Variants in TAFA4 observed in about 807,000 individuals in gnomAD.
TAFA4 encodes the protein chemokine-like protein TAFA-4.
In TAFA4, 20 loss-of-function variants were observed where a neutral mutation model predicts 21.1. That is an observed-to-expected ratio of 0.95 (90% CI 0.67 to 1.38). TAFA4 has a LOEUF of 1.38. TAFA4 is among the 40% of genes most tolerant of loss of function. The pLI is 0.00. For missense variants in TAFA4, 211 were observed against 180.9 expected, an observed-to-expected ratio of 1.17 and a Z score of -0.95; for synonymous variants, 71 against 67.4, an observed-to-expected ratio of 1.05 and a Z score of -0.26.
chr3:68,827,542 C>T (rs1216213141), intron 3 of TAFA4, among the ~76,000 whole-genome samples: 1 of 152,210 alleles, frequency 6.6e-6, no homozygotes, highest in African/African-American at 2.4e-5. Context: ...TCCTCTCCAG[C>T]ATCTGTTGTT....
intron 3 of TAFA4, among the ~76,000 whole-genome samples, chr3:68,758,990 T>G (rs1257745039): frequency 6.6e-6 from 1 of 152,216 alleles, no homozygotes; most frequent in East Asian, 1.9e-4. Flanking sequence ...GAGAGCCATT[T>G]GTCTAGTTTC....
chr3:68,905,874 A>C (rs996595836), intron 1 of TAFA4, among the ~76,000 whole-genome samples: 13 of 152,224 alleles, frequency 8.5e-5, no homozygotes, highest in African/African-American at 3.1e-4. Flanking sequence ...GCAGGCTTCC[A>C]AGCAAGCCAA....
chr3:68,874,198 C>T (rs1444986863), intron 3 of TAFA4, among the ~76,000 whole-genome samples: 1 of 152,136 alleles, frequency 6.6e-6, no homozygotes, highest in Admixed American at 6.6e-5. Flanking sequence ...AAAATATAAG[C>T]ATTGATGGTA....
At chr3:68,916,637 G>C (rs1048645078) in intron 1 of TAFA4, among the ~76,000 whole-genome samples, 4 of 152,160 alleles carry the variant, frequency 2.6e-5, no homozygotes, top group South Asian at 2.1e-4. Flanking sequence ...CAAAAATGTT[G>C]TTCTTTTTGC....
chr3:68,830,624 G>A (rs112315603), intron 3 of TAFA4, among the ~76,000 whole-genome samples: 67,997 of 151,950 alleles, frequency 0.45, 15,778 homozygotes, highest in African/African-American at 0.53. Context: ...GGTCACTTTT[G>A]GAATAAGTGA....
intron 3 of TAFA4, among the ~76,000 whole-genome samples, chr3:68,813,966 C>A (rs1703902329): frequency 6.6e-6 from 1 of 152,210 alleles, no homozygotes; most frequent in Non-Finnish European, 1.5e-5. Flanking sequence ...ACCTTATCCA[C>A]CATGATCAAG....
At chr3:68,738,219 G>A (rs935601415) in intron 5 of TAFA4, among the ~76,000 whole-genome samples, 3 of 152,170 alleles carry the variant, frequency 2.0e-5, no homozygotes, top group Non-Finnish European at 4.4e-5. Flanking sequence ...CATGCCAAAG[G>A]ACCAGGGTAA....
intron 3 of TAFA4, among the ~76,000 whole-genome samples, chr3:68,875,436 T>G (rs974661751): frequency 1.3e-5 from 2 of 152,130 alleles, no homozygotes; most frequent in Non-Finnish European, 2.9e-5. Flanking sequence ...ATGGATGCCT[T>G]TTTCCATTGC....
At position 68,918,156 on chromosome 3, in the gene TAFA4, A is replaced by ACAC. The variant is rs35400341; in HGVS notation, c.-123+14083_-123+14084insGTG. Among the ~76,000 whole-genome samples the ACAC allele has an allele frequency of 1.0e-4, 12 of 117,534 alleles. No homozygotes were observed. In the East Asian group the frequency reaches 2.5e-3, roughly 24 times the overall value. The allele number at this position is 117,534 out of a possible 152,430, so 77.1% of individuals were successfully genotyped here. A position where few individuals can be genotyped will look rare whatever the true frequency, so the allele number is the denominator to read the frequency against. On this transcript the variant is annotated intron_variant, in intron 1 of 5. Coordinates refer to ENST00000295569, the MANE Select transcript of TAFA4 (RefSeq NM_182522.5). ...ATACACACACACACACACACACACAAACACATTTCACATTCCAGGGAAAGG... is the reference window on the plus strand; with the variant it reads ...ATACACACACACACACACACACACAACACACACATTTCACATTCCAGGGAAAGG...
At chr3:68,897,414 T>A (rs1464116074) in intron 1 of TAFA4, among the ~76,000 whole-genome samples, 1 of 151,846 alleles carries the variant, frequency 6.6e-6, no homozygotes, top group Non-Finnish European at 1.5e-5. Context: ...ACACCTGAGA[T>A]CAGGAGGTTG....
intron 3 of TAFA4, among the ~76,000 whole-genome samples, chr3:68,802,846 G>A (rs777581949): frequency 4.6e-5 from 7 of 152,176 alleles, no homozygotes; most frequent in Non-Finnish European, 1.0e-4. Flanking sequence ...TAAAGGTTAC[G>A]TGGTTAGGAA....
intron 3 of TAFA4, among the ~76,000 whole-genome samples, chr3:68,782,109 G>C (rs1207520168): frequency 6.6e-6 from 1 of 152,104 alleles, no homozygotes; most frequent in Non-Finnish European, 1.5e-5. Context: ...TATCTGACAA[G>C]GGTCTAGTAT....
chr3:68,737,068 G>C (rs1702253877), intron 5 of TAFA4, among the ~76,000 whole-genome samples: 1 of 152,064 alleles, frequency 6.6e-6, no homozygotes, highest in African/African-American at 2.4e-5. Flanking sequence ...TAAATAGAAA[G>C]CCGTTCTACC....
chr3:68,778,904 G>A (rs1703099559), intron 3 of TAFA4, among the ~76,000 whole-genome samples: 1 of 152,234 alleles, frequency 6.6e-6, no homozygotes, highest in African/African-American at 2.4e-5. Context: ...GTAACAGGCA[G>A]AGGTTGGAAC....
intron 3 of TAFA4, among the ~76,000 whole-genome samples, chr3:68,804,541 G>A (rs1703647146): frequency 6.6e-6 from 1 of 152,150 alleles, no homozygotes; most frequent in African/African-American, 2.4e-5. Context: ...CACGCTACCT[G>A]ACTTCAAACT....
At chr3:68,860,095 C>A (rs1040508017) in intron 3 of TAFA4, among the ~76,000 whole-genome samples, 1 of 152,078 alleles carries the variant, frequency 6.6e-6, no homozygotes, top group African/African-American at 2.4e-5. Context: ...TGTCAAATTA[C>A]AATTTGACAG....
chr3:68,893,687 T>C (rs1382384355), intron 1 of TAFA4, among the ~76,000 whole-genome samples: 1 of 152,194 alleles, frequency 6.6e-6, no homozygotes. Flanking sequence ...AATGCAGCCA[T>C]GAGTGGATTA....
chr3:68,911,810 C>T (rs566307115), intron 1 of TAFA4, among the ~76,000 whole-genome samples: 2 of 152,294 alleles, frequency 1.3e-5, no homozygotes, highest in East Asian at 1.9e-4. Flanking sequence ...TTTGGGTGTG[C>T]GTCAGCCAGT....
intron 1 of TAFA4, among the ~76,000 whole-genome samples, chr3:68,904,716 C>T (rs1371869037): frequency 6.6e-6 from 1 of 152,124 alleles, no homozygotes; most frequent in African/African-American, 2.4e-5. Context: ...TAGAGATGCT[C>T]CCAGAATCAT....
Sources: allele counts gnomAD v4.1 joint callset (sites outside exome capture counted in the v4.1 genomes callset), GRCh38; gene constraint gnomAD v4.1.1; transcripts MANE v1.5; gene names NCBI Gene and HGNC (gene_info 2026-07-23, HGNC 2026-07-21).